PRKD1: variants seen among roughly 807,000 people sequenced by gnomAD.
PRKD1 encodes the protein serine/threonine-protein kinase D1.
Under a neutral mutation model 95.9 loss-of-function variants are expected in PRKD1, and 63 were observed. The observed-to-expected ratio is 0.66, with a 90% CI of 0.54 to 0.81. The LOEUF (loss-of-function observed/expected upper bound fraction) is 0.81, where lower values mean the gene tolerates loss of function less well. Among genes scored for constraint, PRKD1 ranks in the 30% least tolerant of loss-of-function variants. The pLI is 0.00. For missense variants in PRKD1, 1,048 were observed against 1,165.3 expected, an observed-to-expected ratio of 0.90 and a Z score of 1.47; for synonymous variants, 425 against 423.1, an observed-to-expected ratio of 1.00 and a Z score of -0.05.
chr14:29,677,236 A>C (rs1426575867), intron 2 of PRKD1, among the ~76,000 whole-genome samples: 1 of 152,216 alleles, frequency 6.6e-6, no homozygotes, highest in Non-Finnish European at 1.5e-5. Flanking sequence ...TTTTAGTCAG[A>C]TTCTGTGTTA....
intron 1 of PRKD1, among the ~76,000 whole-genome samples, chr14:29,866,105 A>G (rs572434174): frequency 2.0e-4 from 30 of 152,260 alleles, no homozygotes; most frequent in Non-Finnish European, 3.4e-4. Flanking sequence ...CAGATAAATC[A>G]TTCTGAAATT....
At chr14:29,741,245 T>A (rs552958116) in intron 1 of PRKD1, among the ~76,000 whole-genome samples, 2 of 152,302 alleles carry the variant, frequency 1.3e-5, no homozygotes, top group Admixed American at 1.3e-4. Context: ...TCTGCACATG[T>A]ACCCTGGAAC....
chr14:29,770,883 G>C (rs1222955960), intron 1 of PRKD1, among the ~76,000 whole-genome samples: 14 of 127,424 alleles, frequency 1.1e-4, no homozygotes, highest in Non-Finnish European at 1.9e-4. Flanking sequence ...CAGGAGCCAT[G>C]ATCGTGCCAC....
At chr14:29,581,263 T>C (rs765166313) in intron 16 of PRKD1, among the ~76,000 whole-genome samples, 3 of 152,134 alleles carry the variant, frequency 2.0e-5, no homozygotes, top group Non-Finnish European at 2.9e-5. Context: ...TCAATGTCCC[T>C]GTTAAAATTC....
chr14:29,781,081 T>C (rs1051956926), intron 1 of PRKD1, among the ~76,000 whole-genome samples: 7 of 135,550 alleles, frequency 5.2e-5, no homozygotes, highest in South Asian at 2.3e-4. Flanking sequence ...TAGGTGGGAA[T>C]TGAACAATGA....
At chr14:29,738,328 C>T (rs1886822092) in intron 1 of PRKD1, among the ~76,000 whole-genome samples, 1 of 151,980 alleles carries the variant, frequency 6.6e-6, no homozygotes, top group Non-Finnish European at 1.5e-5. Context: ...CACCTTTCTC[C>T]CTCCCTCCTT....
At chr14:29,733,304 G>A (rs571291152) in intron 1 of PRKD1, among the ~76,000 whole-genome samples, 13 of 151,624 alleles carry the variant, frequency 8.6e-5, no homozygotes, top group African/African-American at 1.9e-4. Flanking sequence ...GGTTTTCACC[G>A]TGTTAGCCAG....
In PRKD1 at chr14:29,597,442, T is replaced by C. The variant is rs1291931751; in HGVS notation, c.2434+49A>G. 26 of 1,452,806 alleles carry C rather than the reference T, an allele frequency of 1.8e-5. 1 individual carries two copies. Among genetic ancestry groups the C allele is most frequent in the Non-Finnish European group, 2.3e-5 (25 of 1,083,658 alleles). The allele number at this position is 1,452,806 out of a possible 1,614,324, so 90.0% of individuals were successfully genotyped here. A position where few individuals can be genotyped will look rare whatever the true frequency, so the allele number is the denominator to read the frequency against. On this transcript the variant is annotated intron_variant, in intron 16 of 17. Coordinates refer to ENST00000331968, the MANE Select transcript of PRKD1 (RefSeq NM_002742.3). ...ATTAAATTAATTTAAATTAATAACA[T>C]AAACAAATAAGGATTAGATTATTAT...
chr14:29,691,877 C>A (rs1884257075), intron 2 of PRKD1, among the ~76,000 whole-genome samples: 2 of 151,974 alleles, frequency 1.3e-5, no homozygotes, highest in South Asian at 4.2e-4. Flanking sequence ...TTAGAATGGT[C>A]TAAGTTGGAA....
At chr14:29,596,325 G>A (rs1359394285) in intron 16 of PRKD1, among the ~76,000 whole-genome samples, 1 of 152,150 alleles carries the variant, frequency 6.6e-6, no homozygotes, top group East Asian at 1.9e-4. Flanking sequence ...CAAACAGAAT[G>A]AACCTAGAAC....
intron 1 of PRKD1, among the ~76,000 whole-genome samples, chr14:29,809,969 A>C (rs950997831): frequency 1.3e-5 from 2 of 152,180 alleles, no homozygotes; most frequent in Non-Finnish European, 2.9e-5. Flanking sequence ...CTTAGAAGTC[A>C]TTGTAGAGTT....
intron 2 of PRKD1, among the ~76,000 whole-genome samples, chr14:29,717,246 C>T (rs920885052): frequency 1.7e-4 from 26 of 151,974 alleles, no homozygotes; most frequent in Non-Finnish European, 2.5e-4. Flanking sequence ...TAAAATAAAT[C>T]GTTCCTATTT....
intron 1 of PRKD1, among the ~76,000 whole-genome samples, chr14:29,821,410 G>C (rs1890907079): frequency 6.6e-6 from 1 of 152,120 alleles, no homozygotes; most frequent in Non-Finnish European, 1.5e-5. Flanking sequence ...AATTCACTAA[G>C]GTCTATTAGT....
intron 1 of PRKD1, among the ~76,000 whole-genome samples, chr14:29,763,624 G>A (rs183899651): frequency 1.5e-3 from 230 of 152,268 alleles, no homozygotes; most frequent in African/African-American, 5.4e-3. Context: ...CTCAAGGCCA[G>A]GAAATGCTCC....
intron 2 of PRKD1, among the ~76,000 whole-genome samples, chr14:29,720,214 A>G (rs1885818746): frequency 6.6e-6 from 1 of 152,198 alleles, no homozygotes; most frequent in South Asian, 2.1e-4. Flanking sequence ...TAATTTATGT[A>G]AACACCTTAC....
chr14:29,882,094 C>G (rs952602628), intron 1 of PRKD1, among the ~76,000 whole-genome samples: 1 of 150,312 alleles, frequency 6.7e-6, no homozygotes, highest in Non-Finnish European at 1.5e-5. Flanking sequence ...CAATCCCTGA[C>G]ACAACAGTAA....
intron 1 of PRKD1, among the ~76,000 whole-genome samples, chr14:29,923,241 A>C (rs1265339066): frequency 6.6e-6 from 1 of 151,876 alleles, no homozygotes; most frequent in Non-Finnish European, 1.5e-5. Context: ...AAAAAAAAAA[A>C]AAAAACACAC....
chr14:29,639,142 A>G (rs1203102167), intron 4 of PRKD1, among the ~76,000 whole-genome samples: 4 of 152,140 alleles, frequency 2.6e-5, no homozygotes, highest in Non-Finnish European at 5.9e-5. Context: ...ATGTTTAAAC[A>G]TGATTTCTAG....
chr14:29,755,408 C>T (rs567852501), intron 1 of PRKD1, among the ~76,000 whole-genome samples: 1 of 152,200 alleles, frequency 6.6e-6, no homozygotes, highest in East Asian at 1.9e-4. Flanking sequence ...GCCTTCTATT[C>T]CTTTATTCCT....
Sources: allele counts gnomAD v4.1 joint callset (sites outside exome capture counted in the v4.1 genomes callset), GRCh38; gene constraint gnomAD v4.1.1; transcripts MANE v1.5; gene names NCBI Gene and HGNC (gene_info 2026-07-23, HGNC 2026-07-21).